The following PPP4R2 variants were observed in gnomAD, a reference collection of about 807,000 sequenced individuals.
The protein encoded by PPP4R2 is serine/threonine-protein phosphatase 4 regulatory subunit 2.
PPP4R2 carries 13 observed loss-of-function variants against 47.2 expected under a neutral mutation model. That is an observed-to-expected ratio of 0.28 (90% CI 0.18 to 0.44). PPP4R2 has a LOEUF of 0.44. Ranked by LOEUF, PPP4R2 falls within the 20% of genes least tolerant of loss-of-function variation. PPP4R2 has a pLI of 1.00. For missense variants in PPP4R2, 421 were observed against 491.2 expected (o/e 0.86, Z 1.35); for synonymous variants, 151 against 163.3 (o/e 0.92, Z 0.57).
In PPP4R2 at chr3:73,065,439, A is replaced by G. The variant is rs1352661195; in HGVS notation, c.971A>G (p.Asn324Ser). The G allele has an allele frequency of 1.9e-6, 3 of 1,605,322 alleles. No homozygotes were observed. Among genetic ancestry groups the G allele is most frequent in the South Asian group, 2.2e-5 (2 of 89,458 alleles). ...TSREMIPERK[N>S]QEKESDDALT... ...AGAGAAATGATCCCAGAAAGAAAAA[A>G]TCAAGAAAAAGAATCTGATGATGCC... Residue 324 changes from asparagine (N) to serine (S), a missense_variant, in exon 9 of 9, where the codon AAT becomes AGT. Transcript: ENST00000356692.
At chr3:73,047,881 TTTTG>T (rs986768956) in intron 3 of PPP4R2, among the ~76,000 whole-genome samples, 36 of 152,174 alleles carry the variant, frequency 2.4e-4, no homozygotes, top group Admixed American at 2.2e-3. Flanking sequence ...TTTTGTTTTG[TTTTG>T]TTTGTTTTTG....
intron 2 of PPP4R2, chr3:73,014,953 C>T: frequency 2.9e-6 from 2 of 693,454 alleles, no homozygotes; most frequent in South Asian, 1.5e-5. Context: ...ATCCACCTGC[C>T]TCAACTTCCC....
At chr3:73,057,567 G>C (rs1345467959) in intron 3 of PPP4R2, among the ~76,000 whole-genome samples, 1 of 152,198 alleles carries the variant, frequency 6.6e-6, no homozygotes, top group South Asian at 2.1e-4. Context: ...TTTTAGGTTT[G>C]AGACAAAAGA....
In PPP4R2 at chr3:73,032,718, CCTT is replaced by C. The variant is rs577418015; in HGVS notation, c.117-14465_117-14463del. On this transcript the variant is annotated intron_variant, in intron 2 of 8. Transcript: ENST00000356692. ...TAAGATTTAGTTTCTTTTACGTACT[CCTT>C]CTCCAAGCATGCACACAAACTTCCC... 1.5e-3 allele frequency among the ~76,000 whole-genome samples: 224 copies of C among 152,270 alleles called. 1 individual carries two copies. The highest frequency in any genetic ancestry group is 5.2e-3 in the African/African-American group (217 of 41,550).
At chr3:73,022,252 C>T (rs1701975497) in intron 2 of PPP4R2, among the ~76,000 whole-genome samples, 1 of 152,124 alleles carries the variant, frequency 6.6e-6, no homozygotes, top group Non-Finnish European at 1.5e-5. Context: ...GTACAAAATA[C>T]ATTAACTTCA....
intron 2 of PPP4R2, among the ~76,000 whole-genome samples, chr3:73,021,211 C>A (rs1411523830): frequency 6.7e-6 from 1 of 148,504 alleles, no homozygotes; most frequent in Non-Finnish European, 1.5e-5. Context: ...GGCTTGGATT[C>A]ATTTTATTTC....
At chr3:73,058,967 A>G (rs1013944682) in intron 3 of PPP4R2, 70 bp from the exon 4 acceptor site, 1 of 966,644 alleles carries the variant, frequency 1.0e-6, no homozygotes, top group African/African-American at 1.7e-5. Flanking sequence ...TTTACCTAGC[A>G]AAAGAAATAA....
At chr3:73,043,104 G>T (rs919937202) in intron 2 of PPP4R2, among the ~76,000 whole-genome samples, 8 of 152,106 alleles carry the variant, frequency 5.3e-5, no homozygotes, top group African/African-American at 1.9e-4. Context: ...CTATGAATTG[G>T]TGATTATTAA....
Position 73,047,204 on chromosome 3 carries a change from T to G in PPP4R2, c.135T>G (p.Phe45Leu). 1.3e-6 allele frequency: 2 copies of G among 1,558,440 alleles called. No homozygotes were observed. The highest frequency in any genetic ancestry group is 1.7e-6 in the Non-Finnish European group (2 of 1,150,874). Residue 45 changes from phenylalanine to leucine, a missense_variant, in exon 3 of 9, where the codon TTT (phenylalanine) becomes TTG (leucine). Physicochemically the swap from Phe to Leu is conservative, Grantham distance 22 (BLOSUM62 0). Transcript: ENST00000356692. ...TGETMIQWSQ[F>L]KGYFIFKLEK... is the part of the protein sequence containing the mutation. ...CTTATAGGATTCAGTGGTCCCAATT[T>G]AAAGGCTATTTTATTTTCAAACTGG...
chr3:73,038,845 C>CTA, intron 2 of PPP4R2, among the ~76,000 whole-genome samples: 1 of 152,252 alleles, frequency 6.6e-6, no homozygotes, highest in Non-Finnish European at 1.5e-5. Flanking sequence ...TTACACTGAG[C>CTA]TATTGTCTGA....
At chr3:73,012,180 G>T (rs1219035862) in intron 2 of PPP4R2, among the ~76,000 whole-genome samples, 1 of 152,126 alleles carries the variant, frequency 6.6e-6, no homozygotes. Flanking sequence ...TGCATCTCTA[G>T]ATTACTTATA....
intron 2 of PPP4R2, among the ~76,000 whole-genome samples, chr3:73,005,598 C>T (rs1451671064): frequency 6.6e-6 from 1 of 151,822 alleles, no homozygotes; most frequent in South Asian, 2.1e-4. Context: ...CCTGTAATCC[C>T]AGCAGTTTGG....
intron 2 of PPP4R2, among the ~76,000 whole-genome samples, chr3:73,006,806 G>T (rs186890385): frequency 6.6e-6 from 1 of 152,196 alleles, no homozygotes; most frequent in Non-Finnish European, 1.5e-5. Flanking sequence ...TTGGTCTGCA[G>T]TGATTTCCAA....
intron 2 of PPP4R2, among the ~76,000 whole-genome samples, chr3:73,023,713 CTTAATA>C (rs1323243551): frequency 6.6e-6 from 1 of 152,102 alleles, no homozygotes; most frequent in Non-Finnish European, 1.5e-5. Flanking sequence ...TTAGAATATA[CTTAATA>C]TTTATGTGCA....
intron 2 of PPP4R2, among the ~76,000 whole-genome samples, chr3:73,034,157 T>TA (rs1203606806): frequency 6.6e-6 from 1 of 152,228 alleles, no homozygotes; most frequent in Non-Finnish European, 1.5e-5. Context: ...TTTTTCTTTT[T>TA]AAACTGGTCA....
rs1318572650 is a variant in PPP4R2 at position 73,066,527 on chromosome 3, T to C, written c.*805T>C. On this transcript the variant is annotated 3_prime_UTR_variant, in exon 9 of 9. Coordinates refer to ENST00000356692, the MANE Select transcript of PPP4R2 (RefSeq NM_174907.4). ...GTGCCTGAGAAAAAGACTTCATTATTTATGAGAAAATATGCTTTATCTTGG... is the reference window on the plus strand; with the variant it reads ...GTGCCTGAGAAAAAGACTTCATTATCTATGAGAAAATATGCTTTATCTTGG... 6.6e-6 allele frequency: 1 copy of C among 152,026 alleles called. No individual in the cohort carries two copies. Among genetic ancestry groups the C allele is most frequent in the Non-Finnish European group, 1.5e-5 (1 of 67,926 alleles). 9.4% of individuals were successfully genotyped at this position (152,026 alleles called of 1,614,324 possible).
chr3:73,068,860 C>G lies in PPP4R2; in HGVS notation c.*3138C>G, dbSNP rs1703054032. The stretch of plus-strand genomic sequence containing the variant: ...AGGATGAAAATGCAACTTACAAAAC[C>G]AAAGGAATTAAAAATTTTCGGTAGT... On this transcript the variant is annotated 3_prime_UTR_variant, in exon 9 of 9. Transcript: ENST00000356692. 1 of 152,006 alleles carries G rather than the reference C, an allele frequency of 6.6e-6. No individual in the cohort carries two copies. Among genetic ancestry groups the G allele is most frequent in the East Asian group, 1.9e-4 (1 of 5,202 alleles). 9.4% of individuals were successfully genotyped at this position (152,006 alleles called of 1,614,324 possible).
chr3:73,031,751 C>CTG (rs1011209424), intron 2 of PPP4R2, among the ~76,000 whole-genome samples: 2 of 152,160 alleles, frequency 1.3e-5, no homozygotes, highest in Non-Finnish European at 2.9e-5. Flanking sequence ...GTCTTTCTCA[C>CTG]TGTTGCAGTC....
At chr3:73,006,266 C>G (rs911060834) in intron 2 of PPP4R2, among the ~76,000 whole-genome samples, 1 of 135,100 alleles carries the variant, frequency 7.4e-6, no homozygotes, top group Non-Finnish European at 1.5e-5. Context: ...GTGGTATGAT[C>G]TCGGCTCACT....
Sources: allele counts gnomAD v4.1 joint callset (sites outside exome capture counted in the v4.1 genomes callset), GRCh38; gene constraint gnomAD v4.1.1; transcripts MANE v1.5; gene names NCBI Gene and HGNC (gene_info 2026-07-23, HGNC 2026-07-21).